C4orf51: variants seen among roughly 807,000 people sequenced by gnomAD.
C4orf51 encodes the protein uncharacterized protein C4orf51.
C4orf51 carries 25 observed loss-of-function variants against 25.2 expected under a neutral mutation model. The ratio of observed to expected loss-of-function variants is 0.99; its 90% CI spans 0.72 to 1.39. C4orf51 has a LOEUF of 1.39. Among genes scored for constraint, C4orf51 ranks in the 40% most tolerant of loss-of-function variants. C4orf51 has a pLI of 0.00. For missense variants in C4orf51, 252 were observed against 239.6 expected, an observed-to-expected ratio of 1.05 and a Z score of -0.34; for synonymous variants, 100 against 84.5, an observed-to-expected ratio of 1.18 and a Z score of -1.01.
Position 145,765,268 on chromosome 4 carries a change from C to A in C4orf51, n.167-5720C>A. 4.7e-6 allele frequency: 6 copies of A among 1,284,638 alleles called. No individual in the cohort carries two copies. The highest frequency in any genetic ancestry group is 6.3e-6 in the Non-Finnish European group (6 of 950,642). 79.6% of individuals were successfully genotyped at this position (1,284,638 alleles called of 1,614,324 possible). A position where few individuals can be genotyped will look rare whatever the true frequency, so the allele number is the denominator to read the frequency against. On this transcript the variant is annotated intron_variant and non_coding_transcript_variant, in intron 1 of 1. Transcript: ENST00000510096. This position sits in a 1 kb window ranked among gnomAD's most constrained non-coding sequence, Gnocchi z 4.7. The stretch of plus-strand genomic sequence containing the variant: ...CCACTTCCTCCCGCCTCCTCCGACG[C>A]CTGACAGCTATACCCTTCCAGGCAC...
At chr4:145,774,159 G>A (rs188403272), downstream of C4orf51, among the ~76,000 whole-genome samples, 73 of 152,228 alleles carry the variant, frequency 4.8e-4, no homozygotes, top group Admixed American at 4.8e-3. Flanking sequence ...GGTTGCTATG[G>A]GGCTTAAATG....
downstream of C4orf51, among the ~76,000 whole-genome samples, chr4:145,734,348 G>A (rs912420433): frequency 6.9e-6 from 1 of 144,918 alleles, no homozygotes; most frequent in Non-Finnish European, 1.5e-5. Flanking sequence ...AGGACACTCA[G>A]AAAGTGGAGG....
chr4:145,742,386 C>T (rs1426901201), intron 1 of C4orf51, among the ~76,000 whole-genome samples: 1 of 152,158 alleles, frequency 6.6e-6, no homozygotes, highest in Non-Finnish European at 1.5e-5. Flanking sequence ...GCTGTTGTTG[C>T]TGCTGCTGCT....
intron 1 of C4orf51, among the ~76,000 whole-genome samples, chr4:145,742,281 G>T (rs1733141474): frequency 6.6e-6 from 1 of 152,130 alleles, no homozygotes; most frequent in African/African-American, 2.4e-5. Context: ...TGGCTTCTCT[G>T]TTTCTTCTCA....
Position 145,761,249 on chromosome 4 carries a change from G to C in C4orf51, n.167-9739G>C. ...ACGAAAGGGTGTGTGGTCTTGAACAGGCACTCTTCGCAGCTGAAGGTCTGG... is the reference window on the plus strand; with the variant it reads ...ACGAAAGGGTGTGTGGTCTTGAACACGCACTCTTCGCAGCTGAAGGTCTGG... On this transcript the variant is annotated intron_variant and non_coding_transcript_variant, in intron 1 of 1. Transcript: ENST00000510096. The surrounding 1 kb of genome is among the most constrained non-coding windows in gnomAD (Gnocchi z 6.8). 1 of 1,289,892 alleles carries C rather than the reference G, an allele frequency of 7.8e-7. No homozygotes were observed. Among genetic ancestry groups the C allele is most frequent in the Non-Finnish European group, 1.0e-6 (1 of 988,876 alleles). 79.9% of individuals were successfully genotyped at this position (1,289,892 alleles called of 1,614,324 possible).
chr4:145,697,387 C>T (rs560334248), intron 2 of C4orf51, among the ~76,000 whole-genome samples: 3 of 152,238 alleles, frequency 2.0e-5, no homozygotes, highest in African/African-American at 7.2e-5. Context: ...CGTAAGCCAC[C>T]ATGCCTGGCT....
intron 5 of C4orf51, among the ~76,000 whole-genome samples, chr4:145,730,691 G>A (rs367625688): frequency 3.4e-5 from 3 of 87,974 alleles, no homozygotes; most frequent in African/African-American, 1.5e-4. Flanking sequence ...TGATATGCTC[G>A]TTATGTGTGT....
At chr4:145,753,670 T>G (rs1260580198) in intron 1 of C4orf51, among the ~76,000 whole-genome samples, 1 of 152,190 alleles carries the variant, frequency 6.6e-6, no homozygotes, top group South Asian at 2.1e-4. Context: ...CATGGTGAGT[T>G]TGGACCTAAG....
intron 2 of C4orf51, among the ~76,000 whole-genome samples, chr4:145,702,984 C>G (rs187453394): frequency 3.3e-5 from 5 of 151,490 alleles, no homozygotes; most frequent in Admixed American, 6.6e-5. Flanking sequence ...ACCACCCCCC[C>G]AAAATTTTCG....
At chr4:145,773,673 A>G (rs1286197181), downstream of C4orf51, among the ~76,000 whole-genome samples, 2 of 152,250 alleles carry the variant, frequency 1.3e-5, no homozygotes, top group Non-Finnish European at 2.9e-5. Flanking sequence ...AATAAATGGA[A>G]GAAGTTAACC....
intron 2 of C4orf51, among the ~76,000 whole-genome samples, chr4:145,707,155 G>A (rs1025537154): frequency 2.0e-5 from 3 of 151,848 alleles, no homozygotes; most frequent in Non-Finnish European, 2.9e-5. Flanking sequence ...TAGCCAGGAT[G>A]GTCTCGATCC....
intron 2 of C4orf51, among the ~76,000 whole-genome samples, chr4:145,722,459 G>T (rs1306181536): frequency 6.6e-6 from 1 of 151,984 alleles, no homozygotes; most frequent in Non-Finnish European, 1.5e-5. Context: ...CAGCTGATCA[G>T]AAAAAAAGAA....
At chr4:145,717,204 A>C (rs114214475) in intron 2 of C4orf51, among the ~76,000 whole-genome samples, 8 of 152,340 alleles carry the variant, frequency 5.3e-5, no homozygotes, top group Admixed American at 2.6e-4. Flanking sequence ...GGGTGGAAAC[A>C]TGAGTAGCGA....
At chr4:145,790,900 TGATGGCA>T in the C4orf51 span, among the ~76,000 whole-genome samples, 2 of 152,262 alleles carry the variant, frequency 1.3e-5, no homozygotes, top group African/African-American at 4.8e-5. Flanking sequence ...TTTTGTTAGT[TGATGGCA>T]GATTTAACAT....
At chr4:145,777,595 T>C in the C4orf51 span, among the ~76,000 whole-genome samples, 8 of 152,216 alleles carry the variant, frequency 5.3e-5, no homozygotes, top group Admixed American at 2.0e-4. Flanking sequence ...CTCCAATAAT[T>C]CTTTAACATC....
chr4:145,695,523 G>C (rs143264278), intron 1 of C4orf51, among the ~76,000 whole-genome samples: 53 of 152,180 alleles, frequency 3.5e-4, no homozygotes, highest in African/African-American at 1.3e-3. Context: ...ATCCTCTTCT[G>C]TAGGTTGTCT....
chr4:145,782,142 G>A, the C4orf51 span, among the ~76,000 whole-genome samples: 24 of 152,306 alleles, frequency 1.6e-4, no homozygotes, highest in Admixed American at 1.1e-3. Context: ...TCTAGGAATC[G>A]CTGCTCTCCC....
At chr4:145,687,001 G>GT (rs1294303954) in intron 1 of C4orf51, among the ~76,000 whole-genome samples, 34 of 100,688 alleles carry the variant, frequency 3.4e-4, no homozygotes, top group East Asian at 2.1e-3. Flanking sequence ...ATTGGATCTT[G>GT]TGGGGGGGGC....
chr4:145,732,884 C>T, downstream of C4orf51: 1 of 186,798 alleles, frequency 5.4e-6, no homozygotes, highest in Non-Finnish European at 1.1e-5. Context: ...AGAGCCTGTC[C>T]CTTGTATCTG....
Sources: gnomAD v4.1 joint callset for allele counts (sites outside exome capture counted in the v4.1 genomes callset) on GRCh38, gnomAD v4.1.1 for gene constraint, Gnocchi (gnomAD v3.1) non-coding constraint, MANE v1.5 for transcripts, NCBI Gene and HGNC (gene_info 2026-07-23, HGNC 2026-07-21) for gene names.